Variants in DYM observed in about 807,000 individuals in gnomAD.
DYM encodes dyggve-Melchior-Clausen syndrome protein.
In DYM, 78 loss-of-function variants were observed where a neutral mutation model predicts 93.1. The ratio of observed to expected loss-of-function variants is 0.84; its 90% confidence interval spans 0.70 to 1.01. DYM has a LOEUF of 1.01. Ranked by LOEUF, DYM falls within the 50% of genes least tolerant of loss-of-function variation. The pLI is 0.00. For missense variants in DYM, 789 were observed against 845.0 expected (o/e 0.93, Z 0.82); for synonymous variants, 321 against 319.7 (o/e 1.00, Z -0.04).
At chr18:49,255,369 C>A (rs988746104) in intron 13 of DYM, among the ~76,000 whole-genome samples, 9 of 152,020 alleles carry the variant, frequency 5.9e-5, no homozygotes, top group African/African-American at 1.7e-4. Context: ...CAGAGTGAAA[C>A]CCTGTCTTTA....
rs1448173631 is a variant in DYM at position 49,378,582 on chromosome 18, A to G, written c.406T>C (p.Ser136Pro). The change falls in exon 5 of 18, where the codon TCT becomes CCT. Residue 136 changes from serine (S) to proline (P), a missense_variant. Coordinates refer to ENST00000675505, the MANE Select transcript of DYM (RefSeq NM_001353214.3). ...CAATACTTACTGTAATTGCCAGGAG[A>G]TTTTTCTTCATAAGTAAAATGAAGT... ...LQLHFTYEEK[S>P]PGNYSSDSED... is the part of the protein sequence containing the mutation. 1.2e-6 allele frequency: 2 copies of G among 1,611,306 alleles called. No individual in the cohort carries two copies.
At chr18:49,199,647 A>T (rs1011525121) in intron 14 of DYM, among the ~76,000 whole-genome samples, 1 of 152,250 alleles carries the variant, frequency 6.6e-6, no homozygotes, top group South Asian at 2.1e-4. Context: ...CAACAGAATT[A>T]TTACGACAGT....
At chr18:49,153,264 GA>G (rs1008012631) in intron 15 of DYM, among the ~76,000 whole-genome samples, 4 of 152,028 alleles carry the variant, frequency 2.6e-5, no homozygotes, top group Admixed American at 1.3e-4. Flanking sequence ...ATAAACCTGG[GA>G]AAAAAATCGA....
intron 1 of DYM, among the ~76,000 whole-genome samples, chr18:49,441,095 ATAAATATATATTAATATAAATAT>A (rs1202352597): frequency 0.018 from 180 of 10,188 alleles, 17 homozygotes; most frequent in Non-Finnish European, 0.026. Context: ...TATATTATAT[ATAAATATATATTAATATAAATAT>A]ATTATATATT....
intron 17 of DYM, among the ~76,000 whole-genome samples, chr18:49,058,648 CT>C (rs1426437312): frequency 6.6e-6 from 1 of 152,124 alleles, no homozygotes; most frequent in African/African-American, 2.4e-5. Flanking sequence ...AGACACACTG[CT>C]TATCTCTTAA....
At chr18:49,252,216 C>CAGAAAAA (rs2094304203) in intron 13 of DYM, among the ~76,000 whole-genome samples, 2 of 27,230 alleles carry the variant, frequency 7.3e-5, no homozygotes, top group African/African-American at 4.3e-4. Flanking sequence ...AGACTTGCCT[C>CAGAAAAA]AAAAAAAAAA....
intron 15 of DYM, among the ~76,000 whole-genome samples, chr18:49,137,322 A>T (rs1192216359): frequency 6.6e-6 from 1 of 152,244 alleles, no homozygotes; most frequent in Non-Finnish European, 1.5e-5. Context: ...CATGGAAAGA[A>T]TACTGGCAGG....
At chr18:49,235,761 A>G (rs968486666) in intron 13 of DYM, among the ~76,000 whole-genome samples, 3 of 104,910 alleles carry the variant, frequency 2.9e-5, no homozygotes, top group African/African-American at 1.0e-4. Context: ...TAAGTACCAT[A>G]TATCACTGTG....
intron 13 of DYM, among the ~76,000 whole-genome samples, chr18:49,242,817 A>T (rs953219257): frequency 6.6e-6 from 1 of 152,112 alleles, no homozygotes; most frequent in African/African-American, 2.4e-5. Flanking sequence ...CTCCTGCCTC[A>T]GCCTCCCGAG....
At chr18:49,319,831 C>G (rs2062325950) in intron 8 of DYM, among the ~76,000 whole-genome samples, 1 of 152,152 alleles carries the variant, frequency 6.6e-6, no homozygotes, top group Non-Finnish European at 1.5e-5. Context: ...CCCTCTCTTC[C>G]TTTTGTCAAG....
At chr18:49,381,124 GTAGT>G (rs751517435) in intron 3 of DYM, among the ~76,000 whole-genome samples, 125 of 152,134 alleles carry the variant, frequency 8.2e-4, no homozygotes, top group African/African-American at 2.6e-3. Flanking sequence ...AGCCTCCCAA[GTAGT>G]TAGTGCTACA....
At chr18:49,098,131 C>A (rs2079754410) in intron 16 of DYM, among the ~76,000 whole-genome samples, 1 of 152,054 alleles carries the variant, frequency 6.6e-6, no homozygotes, top group African/African-American at 2.4e-5. Flanking sequence ...ATATTTGTCA[C>A]TAAAAAATGA....
intron 11 of DYM, among the ~76,000 whole-genome samples, chr18:49,260,549 A>T (rs1395555123): frequency 2.0e-5 from 3 of 152,216 alleles, no homozygotes; most frequent in South Asian, 4.1e-4. Flanking sequence ...AAAGAAAAAC[A>T]TTCAACATTC....
chr18:49,367,604 A>T (rs1273416617), intron 5 of DYM, among the ~76,000 whole-genome samples: 1 of 152,240 alleles, frequency 6.6e-6, no homozygotes, highest in African/African-American at 2.4e-5. Context: ...CTCACTGATC[A>T]TTAGAAAACA....
intron 10 of DYM, among the ~76,000 whole-genome samples, chr18:49,279,080 A>G (rs2094911383): frequency 6.6e-6 from 1 of 152,218 alleles, no homozygotes; most frequent in Admixed American, 6.5e-5. Context: ...ATTCAGAGAC[A>G]CAAAAAGAAA....
intron 15 of DYM, among the ~76,000 whole-genome samples, chr18:49,158,925 A>T (rs2086757559): frequency 6.6e-6 from 1 of 152,202 alleles, no homozygotes; most frequent in Non-Finnish European, 1.5e-5. Context: ...TTTGTAACAC[A>T]AAGAAAGGAT....
intron 15 of DYM, among the ~76,000 whole-genome samples, chr18:49,163,272 A>G (rs945897427): frequency 3.3e-4 from 50 of 152,182 alleles, no homozygotes; most frequent in African/African-American, 1.2e-3. Context: ...TGGGCAGCAA[A>G]GATTTTCAGC....
chr18:49,391,383 A>ACTAT (rs2069237722), intron 3 of DYM: 7 of 556,400 alleles, frequency 1.3e-5, no homozygotes, highest in South Asian at 1.2e-4. Context: ...AGAGTCCATT[A>ACTAT]CCACTACTGC....
intron 6 of DYM, among the ~76,000 whole-genome samples, chr18:49,344,034 A>G (rs2064374358): frequency 6.6e-6 from 1 of 152,130 alleles, no homozygotes; most frequent in Non-Finnish European, 1.5e-5. Context: ...CTCAACATTC[A>G]TTTGAAACAA....
Sources: gnomAD v4.1 joint callset for allele counts (sites outside exome capture counted in the v4.1 genomes callset) on GRCh38, gnomAD v4.1.1 for gene constraint, MANE v1.5 for transcripts, NCBI Gene and HGNC (gene_info 2026-07-23, HGNC 2026-07-21) for gene names.